The following NMNAT3 variants were observed in gnomAD, a reference collection of about 807,000 sequenced individuals.
NMNAT3 encodes the protein nicotinamide/nicotinic acid mononucleotide adenylyltransferase 3.
Under a neutral mutation model 24.8 loss-of-function variants are expected in NMNAT3, and 21 were observed. The ratio of observed to expected loss-of-function variants is 0.85; its 90% confidence interval spans 0.60 to 1.22. The LOEUF is 1.22. NMNAT3 is among the 50% of genes most tolerant of loss of function. The pLI is 0.00. For synonymous variants in NMNAT3, 136 were observed against 155.2 expected (o/e 0.88, Z 0.92); for missense variants, 387 against 436.6 (o/e 0.89, Z 1.01).
chr3:139,594,958 C>G (rs1456903973), intron 3 of NMNAT3, among the ~76,000 whole-genome samples: 1 of 152,198 alleles, frequency 6.6e-6, no homozygotes, highest in South Asian at 2.1e-4. Flanking sequence ...GAAGTTCTGG[C>G]CAGGGCAATT....
intron 3 of NMNAT3, among the ~76,000 whole-genome samples, chr3:139,613,165 A>G (rs1243093391): frequency 6.6e-6 from 1 of 152,240 alleles, no homozygotes; most frequent in Non-Finnish European, 1.5e-5. Context: ...GCTTCCGCAC[A>G]GCAAAAGAAA....
intron 1 of NMNAT3, among the ~76,000 whole-genome samples, chr3:139,651,748 G>T (rs539484507): frequency 6.6e-6 from 1 of 152,230 alleles, no homozygotes; most frequent in South Asian, 2.1e-4. Context: ...CCGGGCAAGG[G>T]TGCAAAATGG....
At chr3:139,621,377 TG>T (rs2055763680) in intron 3 of NMNAT3, among the ~76,000 whole-genome samples, 2 of 152,184 alleles carry the variant, frequency 1.3e-5, no homozygotes, top group Non-Finnish European at 2.9e-5. Flanking sequence ...GTTATTATTT[TG>T]TTTTATTTTG....
intron 5 of NMNAT3, chr3:139,575,687 C>A: frequency 9.8e-7 from 1 of 1,021,446 alleles, no homozygotes; most frequent in Non-Finnish European, 1.2e-6. Flanking sequence ...TTGCCAGGGA[C>A]TTCCACTGCG....
chr3:139,645,384 C>G (rs1350026422), intron 1 of NMNAT3, among the ~76,000 whole-genome samples: 2 of 152,064 alleles, frequency 1.3e-5, no homozygotes, highest in African/African-American at 4.8e-5. Context: ...ATGCCTTAGA[C>G]AAAACAGGGC....
intron 5 of NMNAT3, chr3:139,575,747 T>TAG: frequency 1.8e-6 from 2 of 1,103,766 alleles, no homozygotes; most frequent in Admixed American, 9.3e-5. Flanking sequence ...GCCTGAGTGG[T>TAG]ACCTTGGGCC....
At chr3:139,582,915 T>C in intron 4 of NMNAT3, 30 of 1,423,636 alleles carry the variant, frequency 2.1e-5, no homozygotes, top group Non-Finnish European at 2.7e-5. Flanking sequence ...AAAATATATA[T>C]ATATTTTTTA....
At chr3:139,639,401 T>C (rs1400587920) in intron 1 of NMNAT3, among the ~76,000 whole-genome samples, 1 of 152,224 alleles carries the variant, frequency 6.6e-6, no homozygotes, top group Admixed American at 6.5e-5. Context: ...TTCACAGATA[T>C]TTGAATAGCT....
intron 1 of NMNAT3, among the ~76,000 whole-genome samples, chr3:139,658,003 C>A (rs2057300119): frequency 6.6e-6 from 1 of 151,968 alleles, no homozygotes; most frequent in South Asian, 2.1e-4. Flanking sequence ...TAAGTGCATG[C>A]CCCAGGAACC....
At chr3:139,623,016 C>T (rs895912886) in intron 3 of NMNAT3, among the ~76,000 whole-genome samples, 2 of 150,980 alleles carry the variant, frequency 1.3e-5, no homozygotes, top group Non-Finnish European at 3.0e-5. Flanking sequence ...TTAAACTACG[C>T]TAAATTTTTA....
chr3:139,632,810 T>C (rs1438647828), intron 2 of NMNAT3, among the ~76,000 whole-genome samples: 1 of 152,194 alleles, frequency 6.6e-6, no homozygotes, highest in East Asian at 1.9e-4. Flanking sequence ...CTCCTGAAAA[T>C]GACCGTGTCC....
intron 3 of NMNAT3, among the ~76,000 whole-genome samples, chr3:139,614,543 C>T (rs1464279034): frequency 6.6e-6 from 1 of 152,228 alleles, no homozygotes; most frequent in African/African-American, 2.4e-5. Flanking sequence ...ATGACACTGA[C>T]ATTTTGTATA....
intron 2 of NMNAT3, among the ~76,000 whole-genome samples, chr3:139,629,178 T>A (rs1391623808): frequency 6.6e-6 from 1 of 152,228 alleles, no homozygotes; most frequent in Non-Finnish European, 1.5e-5. Context: ...CTTTCTTACT[T>A]GCTCACCCTG....
chr3:139,620,649 C>G (rs2055726565), intron 3 of NMNAT3, among the ~76,000 whole-genome samples: 1 of 152,136 alleles, frequency 6.6e-6, no homozygotes, highest in Admixed American at 6.6e-5. Flanking sequence ...TTTGCATTTG[C>G]TTTCATTTCT....
intron 1 of NMNAT3, among the ~76,000 whole-genome samples, chr3:139,673,081 A>G (rs1035811759): frequency 1.3e-5 from 2 of 152,170 alleles, no homozygotes; most frequent in African/African-American, 4.8e-5. Flanking sequence ...ACTAGCCACA[A>G]CATGATAAAA....
At chr3:139,582,338 A>T (rs1376533152) in intron 4 of NMNAT3, among the ~76,000 whole-genome samples, 1 of 151,470 alleles carries the variant, frequency 6.6e-6, no homozygotes, top group Non-Finnish European at 1.5e-5. Flanking sequence ...GAATATTCTT[A>T]TTCTTAGAAA....
chr3:139,624,747 C>G lies in NMNAT3; in HGVS notation c.109+2869G>C, dbSNP rs148378833. Among the ~76,000 whole-genome samples the G allele has an allele frequency of 5.6e-3, 854 of 152,228 alleles. 13 individuals carry two copies. The highest frequency in any genetic ancestry group is 0.019 in the African/African-American group (798 of 41,550). On this transcript the variant is annotated intron_variant, in intron 3 of 6. Coordinates refer to ENST00000643695, the MANE Select transcript of NMNAT3 (RefSeq NM_001320510.2). ...TACGGGCATGAGCCACCGCGCCATG[C>G]GGAGACTTCTTTTATGGTTCAGAAT...
At chr3:139,643,383 A>C (rs559862846) in intron 1 of NMNAT3, among the ~76,000 whole-genome samples, 1 of 152,310 alleles carries the variant, frequency 6.6e-6, no homozygotes, top group Admixed American at 6.5e-5. Context: ...AAGAATTAAA[A>C]ACAGTGATAC....
chr3:139,646,994 A>C (rs1172484484), intron 1 of NMNAT3, among the ~76,000 whole-genome samples: 1 of 152,228 alleles, frequency 6.6e-6, no homozygotes, highest in African/African-American at 2.4e-5. Context: ...CAGGAGTGGA[A>C]CACCTGTATG....
Sources: allele counts gnomAD v4.1 joint callset (sites outside exome capture counted in the v4.1 genomes callset), GRCh38; gene constraint gnomAD v4.1.1; transcripts MANE v1.5; gene names NCBI Gene and HGNC (gene_info 2026-07-23, HGNC 2026-07-21).